The following NCAM2 variants were observed in gnomAD, a reference collection of about 807,000 sequenced individuals.
The protein encoded by NCAM2 is N-CAM-2.
NCAM2 carries 30 observed loss-of-function variants against 98.1 expected under a neutral mutation model. That is an observed-to-expected ratio of 0.31 (90% CI 0.23 to 0.41). NCAM2 has a LOEUF of 0.41. Among genes scored for constraint, NCAM2 ranks in the 10% least tolerant of loss-of-function variants. The pLI is 1.00. For synonymous variants in NCAM2, 368 were observed against 342.4 expected, an observed-to-expected ratio of 1.07 and a Z score of -0.83; for missense variants, 867 against 1,005.8, an observed-to-expected ratio of 0.86 and a Z score of 1.87.
chr21:21,356,955 C>T (rs2075501016), intron 8 of NCAM2, among the ~76,000 whole-genome samples: 1 of 150,766 alleles, frequency 6.6e-6, no homozygotes, highest in Non-Finnish European at 1.5e-5. Context: ...CGCCATTGCA[C>T]TCCAGCCTGG....
intron 15 of NCAM2, among the ~76,000 whole-genome samples, chr21:21,497,153 A>G (rs987601844): frequency 6.6e-6 from 1 of 152,176 alleles, no homozygotes; most frequent in Non-Finnish European, 1.5e-5. Context: ...ACTGGGAGCT[A>G]AGTATTGAGC....
At chr21:21,348,585 T>C (rs1273410642) in intron 8 of NCAM2, among the ~76,000 whole-genome samples, 1 of 145,470 alleles carries the variant, frequency 6.9e-6, no homozygotes, top group African/African-American at 2.6e-5. Flanking sequence ...TTCACAGAAA[T>C]AGAAAAAACT....
chr21:21,144,952 T>C (rs1338272734), intron 1 of NCAM2, among the ~76,000 whole-genome samples: 3 of 152,236 alleles, frequency 2.0e-5, no homozygotes, highest in East Asian at 3.9e-4. Flanking sequence ...CAAATTAATA[T>C]AGGACGCTGA....
chr21:21,041,246 C>CA (rs1191662748), intron 1 of NCAM2, among the ~76,000 whole-genome samples: 2 of 152,096 alleles, frequency 1.3e-5, no homozygotes, highest in African/African-American at 4.8e-5. Flanking sequence ...AAGAATATTA[C>CA]AGAATTAGTA....
chr21:21,439,238 C>A (rs1011530630), intron 12 of NCAM2, among the ~76,000 whole-genome samples: 7 of 151,990 alleles, frequency 4.6e-5, no homozygotes, highest in African/African-American at 9.7e-5. Flanking sequence ...CCTGCCTCAG[C>A]CTCCTGAGTA....
chr21:21,533,166 C>CTTTTTT (rs201532023), intron 16 of NCAM2, among the ~76,000 whole-genome samples: 9 of 93,804 alleles, frequency 9.6e-5, no homozygotes, highest in African/African-American at 3.7e-4. Flanking sequence ...TGTTTGCTTG[C>CTTTTTT]TTTTTTTTTT....
At chr21:21,418,352 A>G in intron 10 of NCAM2, 121 bp from the exon 11 acceptor site, 4 of 679,450 alleles carry the variant, frequency 5.9e-6, no homozygotes, top group Non-Finnish European at 1.0e-5. Flanking sequence ...AATTAAAAAT[A>G]TATGGTAAGG....
intron 11 of NCAM2, among the ~76,000 whole-genome samples, chr21:21,424,817 A>G (rs2145987276): frequency 6.6e-6 from 1 of 152,082 alleles, no homozygotes; most frequent in South Asian, 2.1e-4. Context: ...GGATCATCTA[A>G]GGTCAGGAGT....
At chr21:21,353,232 A>G (rs2075389005) in intron 8 of NCAM2, among the ~76,000 whole-genome samples, 1 of 152,334 alleles carries the variant, frequency 6.6e-6, no homozygotes, top group Non-Finnish European at 1.5e-5. Context: ...AAAAATTTTT[A>G]AAGCATAGTC....
At chr21:21,003,587 T>C (rs1568916835) in intron 1 of NCAM2, among the ~76,000 whole-genome samples, 1 of 152,190 alleles carries the variant, frequency 6.6e-6, no homozygotes, top group Non-Finnish European at 1.5e-5. Flanking sequence ...TTACCAAATG[T>C]CAACCCTACT....
intron 5 of NCAM2, among the ~76,000 whole-genome samples, chr21:21,292,512 A>C (rs1323913376): frequency 1.3e-5 from 2 of 151,934 alleles, no homozygotes; most frequent in African/African-American, 2.4e-5. Flanking sequence ...GTAGTTGTTG[A>C]AAGAATATCA....
At chr21:21,151,253 C>T (rs1314087340) in intron 1 of NCAM2, among the ~76,000 whole-genome samples, 1 of 151,826 alleles carries the variant, frequency 6.6e-6, no homozygotes, top group Non-Finnish European at 1.5e-5. Flanking sequence ...TATTAAGTAT[C>T]TTAGATAATA....
At chr21:21,200,712 T>A (rs12626561) in intron 1 of NCAM2, among the ~76,000 whole-genome samples, 148,330 of 148,330 alleles carry the variant, frequency 1, 74,165 homozygotes, top group Non-Finnish European at 1. Context: ...TGAAAACATG[T>A]TTGTCCTTAA....
At chr21:21,100,781 T>C (rs1229592790) in intron 1 of NCAM2, among the ~76,000 whole-genome samples, 2 of 152,034 alleles carry the variant, frequency 1.3e-5, no homozygotes, top group Admixed American at 1.3e-4. Flanking sequence ...TTTGCTCTTG[T>C]CCTCTTCCTT....
At chr21:21,172,363 A>C (rs148085951) in intron 1 of NCAM2, among the ~76,000 whole-genome samples, 3 of 152,232 alleles carry the variant, frequency 2.0e-5, no homozygotes, top group African/African-American at 7.2e-5. Context: ...CATGTGTTTC[A>C]TTTTGACCTA....
chr21:21,180,999 A>G (rs1222870730), intron 1 of NCAM2, among the ~76,000 whole-genome samples: 1 of 152,122 alleles, frequency 6.6e-6, no homozygotes, highest in African/African-American at 2.4e-5. Context: ...TGAGTGGGTC[A>G]TTTTCTTTTC....
At chr21:21,117,134 C>G (rs1375531561) in intron 1 of NCAM2, among the ~76,000 whole-genome samples, 1 of 152,100 alleles carries the variant, frequency 6.6e-6, no homozygotes, top group Non-Finnish European at 1.5e-5. Flanking sequence ...ATATCCAGCA[C>G]CACTCATGCT....
intron 1 of NCAM2, among the ~76,000 whole-genome samples, chr21:21,188,104 G>T (rs572955693): frequency 2.6e-4 from 39 of 152,050 alleles, no homozygotes; most frequent in Non-Finnish European, 5.1e-4. Context: ...AAGTAGCCTT[G>T]CCCTTTTATT....
At chr21:21,531,857 G>A (rs1366358400) in intron 16 of NCAM2, among the ~76,000 whole-genome samples, 2 of 150,934 alleles carry the variant, frequency 1.3e-5, no homozygotes, top group Non-Finnish European at 3.0e-5. Flanking sequence ...GCCGGGCGTG[G>A]TGGTGGGCGC....
Sources: allele counts gnomAD v4.1 joint callset (sites outside exome capture counted in the v4.1 genomes callset), GRCh38; gene constraint gnomAD v4.1.1; transcripts MANE v1.5; gene names NCBI Gene and HGNC (gene_info 2026-07-23, HGNC 2026-07-21).